Variants in MACROD2 observed in about 807,000 individuals in gnomAD.
MACROD2 encodes mono-ADP ribosylhydrolase 2.
A neutral mutation model predicts 70.4 loss-of-function variants in MACROD2; 36 were observed. That is an observed-to-expected ratio of 0.51 (90% CI 0.39 to 0.68). The LOEUF (loss-of-function observed/expected upper bound fraction) is 0.68. Ranked by LOEUF, MACROD2 falls within the 30% of genes least tolerant of loss-of-function variation. The probability of loss-of-function intolerance (pLI) is 0.00; values close to 1 mark genes in which losing one functional copy is unlikely to be tolerated. For missense variants in MACROD2, 496 were observed against 538.4 expected (o/e 0.92, Z 0.78); for synonymous variants, 172 against 178.8 (o/e 0.96, Z 0.30).
intron 3 of MACROD2, among the ~76,000 whole-genome samples, chr20:14,398,284 T>C (rs1160665921): frequency 6.6e-6 from 1 of 152,130 alleles, no homozygotes; most frequent in Admixed American, 6.5e-5. Flanking sequence ...ATTTCTGGAT[T>C]ATATGGTAGT....
chr20:14,894,321 C>G (rs1821826530), intron 5 of MACROD2: 1 of 152,092 alleles, frequency 6.6e-6, no homozygotes, highest in Non-Finnish European at 1.5e-5. Context: ...AGCTCTGCCT[C>G]CTGGGTTCAC....
intron 6 of MACROD2, among the ~76,000 whole-genome samples, chr20:15,419,741 C>T (rs919709622): frequency 7.2e-5 from 11 of 152,180 alleles, no homozygotes; most frequent in Non-Finnish European, 1.5e-4. Context: ...AGGGCGTCCC[C>T]CTGCACTTCC....
At chr20:14,403,966 G>A (rs887467589) in intron 3 of MACROD2, among the ~76,000 whole-genome samples, 3 of 151,928 alleles carry the variant, frequency 2.0e-5, no homozygotes, top group African/African-American at 7.3e-5. Context: ...AAATAATTAG[G>A]GGAGTTGAAA....
At chr20:15,231,562 G>A (rs1397097862) in intron 6 of MACROD2, among the ~76,000 whole-genome samples, 1 of 148,282 alleles carries the variant, frequency 6.7e-6, no homozygotes, top group African/African-American at 2.4e-5. Flanking sequence ...CTAATGACTT[G>A]TTTTTAAAAG....
chr20:14,888,733 C>T (rs1020762598), intron 5 of MACROD2: 2 of 152,150 alleles, frequency 1.3e-5, no homozygotes, highest in African/African-American at 4.8e-5. Context: ...GCATGATAAA[C>T]TTGAACCATG....
At chr20:14,466,401 T>A (rs1280336831) in intron 3 of MACROD2, among the ~76,000 whole-genome samples, 4 of 152,160 alleles carry the variant, frequency 2.6e-5, no homozygotes, top group Non-Finnish European at 4.4e-5. Flanking sequence ...CTTTAAGGAC[T>A]TCTCTGCATT....
intron 8 of MACROD2, among the ~76,000 whole-genome samples, chr20:15,641,449 G>A (rs1327378022): frequency 6.6e-6 from 1 of 152,194 alleles, no homozygotes; most frequent in Non-Finnish European, 1.5e-5. Flanking sequence ...GACATGCTTT[G>A]CTGAATTTCT....
intron 5 of MACROD2, among the ~76,000 whole-genome samples, chr20:15,196,190 T>C (rs867649407): frequency 2.6e-5 from 4 of 152,144 alleles, no homozygotes; most frequent in South Asian, 2.1e-4. Context: ...TCATCGCACA[T>C]GTTTACCTAT....
intron 8 of MACROD2, among the ~76,000 whole-genome samples, chr20:15,847,381 G>A (rs2064245376): frequency 6.6e-6 from 1 of 152,056 alleles, no homozygotes; most frequent in African/African-American, 2.4e-5. Flanking sequence ...TTTGTAATTT[G>A]GACTCTTCCT....
At chr20:15,080,680 A>C (rs1475706150) in intron 5 of MACROD2, among the ~76,000 whole-genome samples, 1 of 152,092 alleles carries the variant, frequency 6.6e-6, no homozygotes, top group Non-Finnish European at 1.5e-5. Context: ...TTCCAGACTC[A>C]TTCATGCACT....
intron 6 of MACROD2, among the ~76,000 whole-genome samples, chr20:15,315,884 TCA>T (rs2077804177): frequency 6.6e-6 from 1 of 152,084 alleles, no homozygotes; most frequent in Admixed American, 6.6e-5. Flanking sequence ...GTTAATTGCC[TCA>T]CAGTGCATAA....
intron 5 of MACROD2, among the ~76,000 whole-genome samples, chr20:15,144,629 A>G (rs1211731517): frequency 6.6e-6 from 1 of 152,196 alleles, no homozygotes; most frequent in African/African-American, 2.4e-5. Flanking sequence ...TAAGAGCATA[A>G]TTCAACTTTG....
chr20:14,897,700 C>T (rs1000945294), intron 5 of MACROD2, among the ~76,000 whole-genome samples: 3 of 152,034 alleles, frequency 2.0e-5, no homozygotes, highest in Non-Finnish European at 4.4e-5. Context: ...GAATCAGGTT[C>T]CATAAAGTTT....
chr20:14,743,335 G>A (rs2071758424), intron 5 of MACROD2, among the ~76,000 whole-genome samples: 1 of 152,078 alleles, frequency 6.6e-6, no homozygotes, highest in Non-Finnish European at 1.5e-5. Flanking sequence ...ACCTTAAGAT[G>A]AGGAGATTAT....
At chr20:15,742,608 TA>T (rs927524269) in intron 8 of MACROD2, among the ~76,000 whole-genome samples, 2 of 152,172 alleles carry the variant, frequency 1.3e-5, no homozygotes, top group African/African-American at 4.8e-5. Context: ...AGGAGACATT[TA>T]AAAAAACTGC....
chr20:14,883,546 T>A (rs948311598), intron 5 of MACROD2, among the ~76,000 whole-genome samples: 1 of 152,058 alleles, frequency 6.6e-6, no homozygotes, highest in South Asian at 2.1e-4. Flanking sequence ...CCATTCACAT[T>A]CCAGTTCTGA....
intron 3 of MACROD2, among the ~76,000 whole-genome samples, chr20:14,396,043 C>T (rs1001330918): frequency 5.3e-5 from 8 of 152,332 alleles, no homozygotes; most frequent in African/African-American, 9.6e-5. Context: ...GTGTGTGCCA[C>T]TGCACCTGCT....
chr20:15,537,069 A>G (rs1370545137), intron 8 of MACROD2, among the ~76,000 whole-genome samples: 1 of 152,180 alleles, frequency 6.6e-6, no homozygotes, highest in Non-Finnish European at 1.5e-5. Context: ...TTTAGCTCCC[A>G]TAATTCTCAC....
chr20:15,842,696 T>TG (rs1161157747), intron 8 of MACROD2, among the ~76,000 whole-genome samples: 1 of 129,724 alleles, frequency 7.7e-6, no homozygotes, highest in Non-Finnish European at 1.7e-5. Context: ...GATGGTTGGA[T>TG]GGGGGGTGGG....
Sources: allele counts gnomAD v4.1 joint callset (sites outside exome capture counted in the v4.1 genomes callset), GRCh38; gene constraint gnomAD v4.1.1; transcripts MANE v1.5; gene names NCBI Gene and HGNC (gene_info 2026-07-23, HGNC 2026-07-21).